The following PARD3B variants were observed in gnomAD, a reference collection of about 807,000 sequenced individuals.
PARD3B encodes the protein par-3 family cell polarity regulator beta.
In PARD3B, 103 loss-of-function variants were observed where a neutral mutation model predicts 130.2. The ratio of observed to expected loss-of-function variants is 0.79; its 90% CI spans 0.67 to 0.93. The LOEUF is 0.93. PARD3B is among the 40% of genes least tolerant of loss of function. The pLI is 0.00. For synonymous variants in PARD3B, 583 were observed against 553.2 expected (o/e 1.05, Z -0.76); for missense variants, 1,609 against 1,499.2 (o/e 1.07, Z -1.21).
intron 6 of PARD3B, among the ~76,000 whole-genome samples, chr2:205,118,121 G>A (rs933482608): frequency 2.6e-5 from 4 of 152,088 alleles, no homozygotes; most frequent in African/African-American, 4.8e-5. Context: ...TCATCATGTC[G>A]CTGCCCTACT....
At chr2:204,730,517 T>C (rs2039459784) in intron 2 of PARD3B, among the ~76,000 whole-genome samples, 1 of 151,894 alleles carries the variant, frequency 6.6e-6, no homozygotes, top group Non-Finnish European at 1.5e-5. Context: ...TACTTAGCTT[T>C]GTTTCTTAAA....
intron 1 of PARD3B, among the ~76,000 whole-genome samples, chr2:204,548,933 A>G (rs1444100267): frequency 6.6e-6 from 1 of 152,202 alleles, no homozygotes; most frequent in East Asian, 1.9e-4. Context: ...GGCACTGAGT[A>G]ATGTAGATGG....
At chr2:205,513,441 C>G (rs2050669399) in intron 21 of PARD3B, among the ~76,000 whole-genome samples, 1 of 152,036 alleles carries the variant, frequency 6.6e-6, no homozygotes. Context: ...TTTTATCAAG[C>G]ATTCAAATTT....
At chr2:204,814,765 T>C (rs934148011) in intron 2 of PARD3B, among the ~76,000 whole-genome samples, 4 of 151,884 alleles carry the variant, frequency 2.6e-5, no homozygotes, top group Non-Finnish European at 5.9e-5. Context: ...CTCTTCTGTC[T>C]TGTTATTTTT....
At chr2:205,195,659 C>G (rs1157031120) in intron 15 of PARD3B, among the ~76,000 whole-genome samples, 1 of 152,100 alleles carries the variant, frequency 6.6e-6, no homozygotes, top group Non-Finnish European at 1.5e-5. Context: ...TTTATTTGCT[C>G]AAAAAGTAGG....
At chr2:205,130,468 G>A (rs1413062665) in intron 10 of PARD3B, among the ~76,000 whole-genome samples, 1 of 152,072 alleles carries the variant, frequency 6.6e-6, no homozygotes, top group Non-Finnish European at 1.5e-5. Flanking sequence ...TAATTTCATG[G>A]CTTCATTTCT....
chr2:205,581,868 C>T (rs572289327), intron 22 of PARD3B, among the ~76,000 whole-genome samples: 75 of 152,182 alleles, frequency 4.9e-4, no homozygotes, highest in African/African-American at 1.4e-3. Context: ...AAGGTTATTG[C>T]CTCTGTGGCA....
intron 21 of PARD3B, among the ~76,000 whole-genome samples, chr2:205,500,697 A>G (rs536895764): frequency 2.0e-5 from 3 of 152,364 alleles, no homozygotes; most frequent in African/African-American, 7.2e-5. Flanking sequence ...AAAAATGCCC[A>G]GGAAGAGGAT....
intron 3 of PARD3B, among the ~76,000 whole-genome samples, chr2:205,017,356 C>A (rs1464521202): frequency 1.3e-5 from 2 of 152,144 alleles, no homozygotes; most frequent in African/African-American, 4.8e-5. Flanking sequence ...TACATTCCAG[C>A]TCTTGCTTCT....
chr2:205,033,914 C>T (rs1293482893), intron 3 of PARD3B, among the ~76,000 whole-genome samples: 1 of 152,162 alleles, frequency 6.6e-6, no homozygotes, highest in African/African-American at 2.4e-5. Flanking sequence ...TATCTCTGTG[C>T]ATCTACTGGG....
chr2:204,851,220 C>T (rs954528837), intron 2 of PARD3B, among the ~76,000 whole-genome samples: 3 of 152,148 alleles, frequency 2.0e-5, no homozygotes, highest in African/African-American at 7.2e-5. Context: ...TTTTATTCCT[C>T]AGTCACCAAG....
chr2:205,053,361 G>A (rs1367976072), intron 4 of PARD3B, among the ~76,000 whole-genome samples: 2 of 141,898 alleles, frequency 1.4e-5, no homozygotes, highest in African/African-American at 5.0e-5. Context: ...CATAAGGCAG[G>A]GTACAGTGGC....
At chr2:204,726,139 G>A (rs1407003387) in intron 2 of PARD3B, among the ~76,000 whole-genome samples, 3 of 152,254 alleles carry the variant, frequency 2.0e-5, no homozygotes, top group South Asian at 2.1e-4. Context: ...GCATAGCTTC[G>A]CTCAGTAAAA....
chr2:205,062,198 T>G (rs1280994228), intron 4 of PARD3B, among the ~76,000 whole-genome samples: 1 of 152,160 alleles, frequency 6.6e-6, no homozygotes, highest in Non-Finnish European at 1.5e-5. Context: ...GTGTAGTATT[T>G]TTTTATGTAA....
At chr2:205,060,866 G>C (rs78053590) in intron 4 of PARD3B, among the ~76,000 whole-genome samples, 1 of 152,014 alleles carries the variant, frequency 6.6e-6, no homozygotes, top group Non-Finnish European at 1.5e-5. Context: ...ATTCAATTAT[G>C]ATGGCAGTTT....
intron 2 of PARD3B, among the ~76,000 whole-genome samples, chr2:204,761,752 A>G (rs2040907452): frequency 6.6e-6 from 1 of 152,220 alleles, no homozygotes; most frequent in Non-Finnish European, 1.5e-5. Context: ...TGTTAAGAGA[A>G]GAAATTTTCC....
chr2:205,078,869 G>A lies in PARD3B; in HGVS notation c.505-25557G>A, dbSNP rs985164. 0.89 allele frequency among the ~76,000 whole-genome samples: 135,785 copies of A among 152,226 alleles called. 60,828 individuals carry two copies. The highest frequency in any genetic ancestry group is 1 in the East Asian group (5,162 of 5,164). Reference sequence around the variant, plus strand: ...ACTTTGCTAGAAAGGCCATGTGTAGGCAATCTAGTTGGCAGCCATGGCAGA... The same window carrying A: ...ACTTTGCTAGAAAGGCCATGTGTAGACAATCTAGTTGGCAGCCATGGCAGA... On this transcript the variant is annotated intron_variant, in intron 4 of 22. Coordinates refer to ENST00000406610, the MANE Select transcript of PARD3B (RefSeq NM_001302769.2). This position sits in a 1 kb window ranked among gnomAD's most constrained non-coding sequence, Gnocchi z 4.0.
intron 4 of PARD3B, among the ~76,000 whole-genome samples, chr2:205,065,617 C>T (rs891113411): frequency 6.6e-6 from 1 of 152,056 alleles, no homozygotes; most frequent in African/African-American, 2.4e-5. Context: ...TCAAGAGTGG[C>T]TTGGTGCTGT....
intron 2 of PARD3B, among the ~76,000 whole-genome samples, chr2:204,820,686 G>C (rs1425482481): frequency 6.6e-6 from 1 of 151,820 alleles, no homozygotes; most frequent in Admixed American, 6.6e-5. Context: ...GTGGTGGTGG[G>C]TGCCTATAAT....
Sources: allele counts gnomAD v4.1 joint callset (sites outside exome capture counted in the v4.1 genomes callset), GRCh38; gene constraint gnomAD v4.1.1; non-coding constraint Gnocchi (gnomAD v3.1); transcripts MANE v1.5; gene names NCBI Gene and HGNC (gene_info 2026-07-23, HGNC 2026-07-21).